Variants in GNPAT observed in about 807,000 individuals in gnomAD.
GNPAT encodes the protein dihydroxyacetone phosphate acyltransferase.
A neutral mutation model predicts 78.4 loss-of-function variants in GNPAT; 30 were observed. That is an observed-to-expected ratio of 0.38 (90% CI 0.29 to 0.52). The LOEUF (loss-of-function observed/expected upper bound fraction) is 0.52. GNPAT is among the 20% of genes least tolerant of loss of function. The pLI is 0.84. For synonymous variants in GNPAT, 271 were observed against 281.1 expected (o/e 0.96, Z 0.36); for missense variants, 714 against 812.2 (o/e 0.88, Z 1.47).
chr1:231,244,354 A>C (rs1208740787), intron 1 of GNPAT, among the ~76,000 whole-genome samples: 1 of 152,238 alleles, frequency 6.6e-6, no homozygotes. Context: ...GTAATGAAGC[A>C]GTAACAGTGA....
At chr1:231,268,119 G>A (rs557365974) in intron 9 of GNPAT, among the ~76,000 whole-genome samples, 7 of 152,148 alleles carry the variant, frequency 4.6e-5, no homozygotes, top group East Asian at 1.9e-4. Flanking sequence ...TGGCTAACGC[G>A]GTGAAACCCC....
chr1:231,262,910 T>G (rs1412258158), intron 4 of GNPAT, 58 bp downstream of exon 4: 1 of 1,302,672 alleles, frequency 7.7e-7, no homozygotes, highest in African/African-American at 1.5e-5. Flanking sequence ...ACTGGCATAT[T>G]CTAGCAGTAC....
chr1:231,269,395 C>T (rs1203871417), intron 9 of GNPAT, among the ~76,000 whole-genome samples: 1 of 152,126 alleles, frequency 6.6e-6, no homozygotes, highest in Admixed American at 6.5e-5. Context: ...GATGGACCTC[C>T]CCGCCTCCTC....
intron 9 of GNPAT, among the ~76,000 whole-genome samples, chr1:231,268,722 A>T (rs1388114871): frequency 6.6e-6 from 1 of 151,734 alleles, no homozygotes; most frequent in Non-Finnish European, 1.5e-5. Flanking sequence ...CCTGACCAAC[A>T]TGGTGAAACT....
chr1:231,255,031 G>A (rs892244607), intron 2 of GNPAT, among the ~76,000 whole-genome samples: 5 of 152,094 alleles, frequency 3.3e-5, no homozygotes, highest in African/African-American at 1.2e-4. Context: ...GGGATTACAG[G>A]TGCGAGCCAC....
Position 231,265,593 on chromosome 1 carries a change from TG to T in GNPAT, c.697-118del. 3 of 875,354 alleles carry T rather than the reference TG, an allele frequency of 3.4e-6. No homozygotes were observed. In the South Asian group the frequency reaches 4.1e-5, roughly 12 times the overall value. The allele number at this position is 875,354 out of a possible 1,614,324, so 54.2% of individuals were successfully genotyped here. On this transcript the variant is annotated intron_variant, in intron 5 of 15. Transcript: ENST00000366647. ...TGTGACTCTCTTGTTTAATTTTCACTGTAAGCTGTGTTTGTTCAGGAAGCTT... is the reference window on the plus strand; with the variant it reads ...TGTGACTCTCTTGTTTAATTTTCACTTAAGCTGTGTTTGTTCAGGAAGCTT...
intron 2 of GNPAT, chr1:231,258,396 G>A (rs1571942326): frequency 6.6e-6 from 1 of 152,232 alleles, no homozygotes; most frequent in East Asian, 1.9e-4. Flanking sequence ...AAAGGCGCCT[G>A]CTCTCCTGGT....
At chr1:231,275,087 T>C (rs529671081) in intron 12 of GNPAT, 134 bp from the exon 13 acceptor site, 1 of 670,632 alleles carries the variant, frequency 1.5e-6, no homozygotes, top group South Asian at 1.7e-5. Context: ...GCTCATTCCT[T>C]GGAGGGTCTT....
Position 231,277,515 on chromosome 1 carries a change from A to G in GNPAT, c.2016A>G (p.Ile672Met), listed in dbSNP as rs1321383833. The G allele has an allele frequency of 3.8e-6, 6 of 1,595,374 alleles. No homozygotes were observed. The South Asian group carries it at 5.5e-5, about 15-fold the overall frequency. ...LEEMLGCKTP[I>M]GKPATAKL is the part of the protein sequence containing the mutation. The stretch of plus-strand genomic sequence containing the variant: ...TCATCTTAGGTTGTAAGACACCAAT[A>G]GGAAAACCAGCCACTGCAAAACTTT... Residue 672 changes from isoleucine to methionine, a missense_variant, in exon 16 of 16, where the codon ATA (isoleucine) becomes ATG (methionine). By Grantham distance (10) the Ile-to-Met change is conservative. Transcript: ENST00000366647.
intron 2 of GNPAT, among the ~76,000 whole-genome samples, chr1:231,254,039 C>G (rs1003988157): frequency 6.6e-6 from 1 of 152,164 alleles, no homozygotes; most frequent in Non-Finnish European, 1.5e-5. Flanking sequence ...TCTCAAACTC[C>G]TGACCTCAGG....
intron 11 of GNPAT, 22 bp downstream of exon 11, chr1:231,272,413 G>C: frequency 7.9e-7 from 1 of 1,263,396 alleles, no homozygotes. Context: ...ACAACAAAGA[G>C]CAAGTATGTT....
At chr1:231,275,990 A>C (rs1685703066) in intron 14 of GNPAT, 145 bp from the exon 15 acceptor site, 2 of 610,136 alleles carry the variant, frequency 3.3e-6, no homozygotes, top group African/African-American at 3.7e-5. Flanking sequence ...GTGGGACAGG[A>C]GCCTGAGGCC....
At chr1:231,270,269 G>A (rs931361522) in intron 9 of GNPAT, among the ~76,000 whole-genome samples, 2 of 151,964 alleles carry the variant, frequency 1.3e-5, no homozygotes, top group African/African-American at 4.8e-5. Context: ...ACTGCAAAGT[G>A]ATATTTTTAC....
intron 11 of GNPAT, among the ~76,000 whole-genome samples, chr1:231,273,406 T>C (rs1037911202): frequency 6.6e-6 from 1 of 151,766 alleles, no homozygotes; most frequent in Non-Finnish European, 1.5e-5. Flanking sequence ...CGCCCACCAC[T>C]ACGCCCGGCT....
At chr1:231,250,424 CTT>C (rs1001635519) in intron 1 of GNPAT, among the ~76,000 whole-genome samples, 2 of 152,066 alleles carry the variant, frequency 1.3e-5, no homozygotes, top group Admixed American at 1.3e-4. Flanking sequence ...AGAATAAGCT[CTT>C]GTCTCGAAAA....
In GNPAT at chr1:231,266,076, C is replaced by T; in HGVS notation, c.835C>T (p.Pro279Ser). Residue 279 changes from proline (P) to serine (S), a missense_variant, in exon 7 of 16, where the codon CCA (proline) becomes TCA (serine). Physicochemically the swap from Pro to Ser is moderately conservative, Grantham distance 74 (BLOSUM62 -1). Transcript: ENST00000366647. ...AGAAGTTTTTGATACCTACCTTGTC[C>T]CAATTAGTATCAGTTATGATAAGAT... ...KREVFDTYLV[P>S]ISISYDKILE... is the part of the protein sequence containing the mutation. The T allele has an allele frequency of 6.2e-7, 1 of 1,610,210 alleles. No homozygotes were observed. The highest frequency in any genetic ancestry group is 8.5e-7 in the Non-Finnish European group (1 of 1,176,648).
At chr1:231,257,047 G>T (rs1158705307) in intron 2 of GNPAT, among the ~76,000 whole-genome samples, 1 of 152,212 alleles carries the variant, frequency 6.6e-6, no homozygotes, top group African/African-American at 2.4e-5. Flanking sequence ...AGGTTTCTAT[G>T]AAGGTGTATC....
At chr1:231,258,160 T>G (rs556161782) in intron 2 of GNPAT, 1 of 152,578 alleles carries the variant, frequency 6.6e-6, no homozygotes, top group South Asian at 2.1e-4. Flanking sequence ...CAGCTGTTAT[T>G]AGGATTATCT....
chr1:231,244,895 C>T (rs542756631), intron 1 of GNPAT, among the ~76,000 whole-genome samples: 1 of 152,206 alleles, frequency 6.6e-6, no homozygotes, highest in Admixed American at 6.5e-5. Flanking sequence ...GTGAAAGATG[C>T]AGATGCCTTA....
Sources: allele counts gnomAD v4.1 joint callset (sites outside exome capture counted in the v4.1 genomes callset), GRCh38; gene constraint gnomAD v4.1.1; transcripts MANE v1.5; gene names NCBI Gene and HGNC (gene_info 2026-07-23, HGNC 2026-07-21).